The following TNIP1 variants were observed in gnomAD, a reference collection of about 807,000 sequenced individuals.
TNIP1 encodes TNFAIP3 interacting protein 1.
A neutral mutation model predicts 86.6 loss-of-function variants in TNIP1; 22 were observed. The observed-to-expected ratio is 0.25, with a 90% CI of 0.18 to 0.36. TNIP1 has a LOEUF of 0.36. Among genes scored for constraint, TNIP1 ranks in the 10% least tolerant of loss-of-function variants. The probability of loss-of-function intolerance (pLI) is 1.00; values close to 1 mark genes in which losing one functional copy is unlikely to be tolerated. For synonymous variants in TNIP1, 294 were observed against 313.0 expected, an observed-to-expected ratio of 0.94 and a Z score of 0.64; for missense variants, 709 against 820.6, an observed-to-expected ratio of 0.86 and a Z score of 1.66.
chr5:151,076,912 A>G (rs1198577853), intron 1 of TNIP1, among the ~76,000 whole-genome samples: 1 of 152,234 alleles, frequency 6.6e-6, no homozygotes, highest in Non-Finnish European at 1.5e-5. Flanking sequence ...CCAAACAGGG[A>G]CAGATGTTTG....
intron 6 of TNIP1, 86 bp from the exon 7 acceptor site, chr5:151,052,345 T>TA (rs1760054308): frequency 1.4e-5 from 16 of 1,125,946 alleles, no homozygotes; most frequent in Admixed American, 2.0e-5. Flanking sequence ...GGGGGGCCTG[T>TA]AGCCACCCCA....
intron 6 of TNIP1, among the ~76,000 whole-genome samples, chr5:151,055,161 C>T (rs3792794): frequency 0.099 from 15,042 of 152,034 alleles, 1,590 homozygotes; most frequent in East Asian, 0.51. Flanking sequence ...CGAACTGGGA[C>T]GCAACAGTGA....
Position 151,030,757 on chromosome 5 carries a change from C to G in TNIP1, c.1877-10G>C. The G allele has an allele frequency of 6.2e-7, 1 of 1,600,872 alleles. No homozygotes were observed. Reference sequence around the variant, plus strand: ...TCATTTTTTGGAGACTCTAAATAAACAAAAATTTTGAGGACTTCATGATTA... The same window carrying G: ...TCATTTTTTGGAGACTCTAAATAAAGAAAAATTTTGAGGACTTCATGATTA... On this transcript the variant is annotated splice_polypyrimidine_tract_variant and intron_variant, in intron 17 of 17. Transcript: ENST00000521591.
chr5:151,060,314 T>G lies in TNIP1; in HGVS notation c.435+4A>C. ...CAAGCCCGGGGTCCTGCCCGTCCACTCACCATCGCATTGGCATGGCTGCTG... is the reference window on the plus strand; with the variant it reads ...CAAGCCCGGGGTCCTGCCCGTCCACGCACCATCGCATTGGCATGGCTGCTG... On this transcript the variant is annotated splice_donor_region_variant and intron_variant, in intron 5 of 17. Coordinates refer to ENST00000521591, the MANE Select transcript of TNIP1 (RefSeq NM_006058.5). 1 of 1,614,024 alleles carries G rather than the reference T, an allele frequency of 6.2e-7. No homozygotes were observed. Among genetic ancestry groups the G allele is most frequent in the Non-Finnish European group, 8.5e-7 (1 of 1,180,010 alleles).
At chr5:151,042,317 T>TA (rs1758528763) in intron 11 of TNIP1, among the ~76,000 whole-genome samples, 1 of 152,156 alleles carries the variant, frequency 6.6e-6, no homozygotes, top group African/African-American at 2.4e-5. Flanking sequence ...AAGTTCTGAA[T>TA]AAAAACAAGA....
intron 13 of TNIP1, 49 bp downstream of exon 13, chr5:151,036,741 C>A (rs1427953754): frequency 6.2e-7 from 1 of 1,612,886 alleles, no homozygotes. Flanking sequence ...CAGGAAAGCT[C>A]CAGCTCCCAC....
At position 151,033,730 on chromosome 5, in the gene TNIP1, G is replaced by A; in HGVS notation, c.1657C>T (p.Pro553Ser). Residue 553 changes from proline to serine, a missense_variant, in exon 16 of 18, where the codon CCG becomes TCG. Physicochemically the swap from Pro to Ser is moderately conservative, Grantham distance 74 (BLOSUM62 -1). Transcript: ENST00000521591. Reference sequence around the variant, plus strand: ...TGTGGCACCATGGCTGGCATGGGCGGGTAGGCGTAGGGGTAGGCCCCGCAG... The same window carrying A: ...TGTGGCACCATGGCTGGCATGGGCGAGTAGGCGTAGGGGTAGGCCCCGCAG... Reference protein sequence around the residue: ...HLCGAYPYAYPPMPAMVPHHG... With the variant: ...HLCGAYPYAYSPMPAMVPHHG... 1 of 1,360,636 alleles carries A rather than the reference G, an allele frequency of 7.3e-7. No individual in the cohort carries two copies. Among genetic ancestry groups the A allele is most frequent in the South Asian group, 2.3e-5 (1 of 44,238 alleles). The allele number at this position is 1,360,636 out of a possible 1,614,324, so 84.3% of individuals were successfully genotyped here.
chr5:151,059,858 TGTGTGTGTGCGCGCGC>T (rs1761274832), intron 5 of TNIP1, among the ~76,000 whole-genome samples: 4 of 98,810 alleles, frequency 4.0e-5, no homozygotes, highest in African/African-American at 2.0e-4. Context: ...TGTGTGTGTG[TGTGTGTGTGCGCGCGC>T]GCGCGCGCAT....
chr5:151,033,697 A>G lies in TNIP1; in HGVS notation c.1690T>C (p.Phe564Leu). 2.2e-6 allele frequency: 3 copies of G among 1,351,790 alleles called. No homozygotes were observed. Among genetic ancestry groups the G allele is most frequent in the Non-Finnish European group, 2.9e-6 (3 of 1,041,718 alleles). The allele number at this position is 1,351,790 out of a possible 1,614,324, so 83.7% of individuals were successfully genotyped here. A position where few individuals can be genotyped will look rare whatever the true frequency, so the allele number is the denominator to read the frequency against. Residue 564 changes from phenylalanine (F) to leucine (L), a missense_variant, in exon 16 of 18, where the codon TTC becomes CTC. Transcript: ENST00000521591. ...PMPAMVPHHG[F>L]EDWSQIRYPP... ...TAGCGGATCTGGGACCAGTCCTCGA[A>G]GCCATGGTGTGGCACCATGGCTGGC...
intron 8 of TNIP1, chr5:151,046,248 C>T: frequency 2.4e-6 from 1 of 411,952 alleles, no homozygotes; most frequent in Non-Finnish European, 4.6e-6. Flanking sequence ...TACTACCAGC[C>T]ACTCTCCTCA....
upstream of TNIP1, among the ~76,000 whole-genome samples, chr5:151,082,851 C>T (rs1764125102): frequency 6.6e-6 from 1 of 152,214 alleles, no homozygotes; most frequent in East Asian, 1.9e-4. Flanking sequence ...GCCCCCACCT[C>T]TTCCATTCTT....
chr5:151,045,719 G>A lies in TNIP1; in HGVS notation c.936+142C>T. The stretch of plus-strand genomic sequence containing the variant: ...GGCAAGGAGTCAGACCTCATCCATG[G>A]GCAGGCAGGTCAGTGGTCACCATGC... On this transcript the variant is annotated intron_variant, in intron 9 of 17. Transcript: ENST00000521591. The A allele has an allele frequency of 4.0e-6, 3 of 748,996 alleles. No homozygotes were observed. In the South Asian group the frequency reaches 4.7e-5, roughly 12 times the overall value. 46.4% of individuals were successfully genotyped at this position (748,996 alleles called of 1,614,324 possible). A position where few individuals can be genotyped will look rare whatever the true frequency, so the allele number is the denominator to read the frequency against.
intron 15 of TNIP1, chr5:151,034,525 A>G (rs1380686549): frequency 3.7e-6 from 1 of 267,286 alleles, no homozygotes; most frequent in Non-Finnish European, 7.0e-6. Context: ...AAATGGACAC[A>G]GAAGGCTGGG....
rs567991020 is a variant in TNIP1, at chr5:151,072,970, C to G, written c.-36-7839G>C. Reference sequence around the variant, plus strand: ...GGTGCGGTGGCTCATGCCTGTAATTCCAGCACTTTGGGAGGCCGAGGTGGG... The same window carrying G: ...GGTGCGGTGGCTCATGCCTGTAATTGCAGCACTTTGGGAGGCCGAGGTGGG... On this transcript the variant is annotated intron_variant, in intron 1 of 17. Coordinates refer to ENST00000521591, the MANE Select transcript of TNIP1 (RefSeq NM_006058.5). 4.5e-4 allele frequency among the ~76,000 whole-genome samples: 68 copies of G among 152,130 alleles called. 1 individual carries two copies. The highest frequency in any genetic ancestry group is 6.3e-4 in the Non-Finnish European group (43 of 68,020).
rs1311709516 is a variant in TNIP1 at position 151,063,761 on chromosome 5, G to A, written c.137-14C>T. The stretch of plus-strand genomic sequence containing the variant: ...CCAAAAGCTCCCCTAGAGTTATTGG[G>A]GAAGAGGAAGCAAAAGCATTTACTC... On this transcript the variant is annotated splice_polypyrimidine_tract_variant and intron_variant, in intron 2 of 17. Coordinates refer to ENST00000521591, the MANE Select transcript of TNIP1 (RefSeq NM_006058.5). The A allele has an allele frequency of 1.9e-6, 3 of 1,609,502 alleles. No individual in the cohort carries two copies. Among genetic ancestry groups the A allele is most frequent in the Middle Eastern group, 1.7e-4 (1 of 5,858 alleles).
At chr5:151,043,480 T>C (rs538769489) in intron 9 of TNIP1, among the ~76,000 whole-genome samples, 3 of 152,036 alleles carry the variant, frequency 2.0e-5, no homozygotes, top group African/African-American at 7.2e-5. Flanking sequence ...GTTAAGAAAA[T>C]AAGAAAATAG....
Position 151,030,506 on chromosome 5 carries a change from G to T in TNIP1, c.*207C>A. 1.4e-6 allele frequency: 1 copy of T among 704,298 alleles called. No individual in the cohort carries two copies. 43.6% of individuals were successfully genotyped at this position (704,298 alleles called of 1,614,324 possible). On this transcript the variant is annotated 3_prime_UTR_variant, in exon 18 of 18. Coordinates refer to ENST00000521591, the MANE Select transcript of TNIP1 (RefSeq NM_006058.5). ...GAGTTTTTCCCAGTCACTCCCAGCA[G>T]AGTACAAATGAAAGCCTTCTGGGTG...
At chr5:151,043,285 C>G (rs1262426165) in intron 9 of TNIP1, among the ~76,000 whole-genome samples, 1 of 152,178 alleles carries the variant, frequency 6.6e-6, no homozygotes, top group Non-Finnish European at 1.5e-5. Context: ...ACATTTTCAT[C>G]AACTTTAACC....
At chr5:151,065,747 A>G (rs1354530694) in intron 1 of TNIP1, among the ~76,000 whole-genome samples, 1 of 152,228 alleles carries the variant, frequency 6.6e-6, no homozygotes, top group African/African-American at 2.4e-5. Flanking sequence ...CTTCTTTAAA[A>G]AAAGAAAAGA....
Sources: gnomAD v4.1 joint callset for allele counts (sites outside exome capture counted in the v4.1 genomes callset) on GRCh38, gnomAD v4.1.1 for gene constraint, MANE v1.5 for transcripts, NCBI Gene and HGNC (gene_info 2026-07-23, HGNC 2026-07-21) for gene names.